The following DPP10 variants were observed in gnomAD, a reference collection of about 807,000 sequenced individuals.
DPP10 encodes inactive dipeptidyl peptidase 10.
A neutral mutation model predicts 120.9 loss-of-function variants in DPP10; 33 were observed. The ratio of observed to expected loss-of-function variants is 0.27; its 90% CI spans 0.21 to 0.37. DPP10 has a LOEUF of 0.37. Ranked by LOEUF, DPP10 falls within the 10% of genes least tolerant of loss-of-function variation. The pLI, the probability that DPP10 is intolerant of heterozygous loss-of-function variation, is 1.00. For synonymous variants in DPP10, 337 were observed against 326.1 expected, an observed-to-expected ratio of 1.03 and a Z score of -0.36; for missense variants, 816 against 942.8, an observed-to-expected ratio of 0.87 and a Z score of 1.76.
intron 3 of DPP10, among the ~76,000 whole-genome samples, chr2:115,374,617 G>T (rs2065651250): frequency 6.6e-6 from 1 of 152,198 alleles, no homozygotes; most frequent in African/African-American, 2.4e-5. Context: ...TTTCCATGAG[G>T]GCTCCGCACA....
chr2:115,226,154 TGTC>T (rs2057424451), intron 1 of DPP10, among the ~76,000 whole-genome samples: 1 of 152,156 alleles, frequency 6.6e-6, no homozygotes. Context: ...CAGATTTTGT[TGTC>T]ATGATGATAT....
intron 1 of DPP10, among the ~76,000 whole-genome samples, chr2:114,678,227 A>C (rs560427699): frequency 9.1e-4 from 139 of 152,190 alleles, no homozygotes; most frequent in African/African-American, 3.2e-3. Flanking sequence ...TGATGATAAA[A>C]CCATGAGTAT....
At chr2:115,616,075 G>T (rs913171183) in intron 5 of DPP10, among the ~76,000 whole-genome samples, 1 of 152,084 alleles carries the variant, frequency 6.6e-6, no homozygotes, top group Non-Finnish European at 1.5e-5. Context: ...TGTTTAAACT[G>T]TGGAAGTTAA....
chr2:114,642,163 A>G (rs1056517259), intron 1 of DPP10, among the ~76,000 whole-genome samples: 6 of 151,936 alleles, frequency 3.9e-5, no homozygotes, highest in African/African-American at 1.5e-4. Flanking sequence ...ATATACTGGC[A>G]TTTAAAAAAC....
At chr2:115,106,622 G>T (rs1347833244) in intron 1 of DPP10, among the ~76,000 whole-genome samples, 1 of 146,208 alleles carries the variant, frequency 6.8e-6, no homozygotes, top group South Asian at 2.2e-4. Flanking sequence ...ACCACACCCA[G>T]CTAATTTTAC....
At chr2:115,755,537 C>T (rs987929804) in intron 11 of DPP10, among the ~76,000 whole-genome samples, 3 of 151,880 alleles carry the variant, frequency 2.0e-5, no homozygotes, top group Non-Finnish European at 2.9e-5. Context: ...AAAACTGAAC[C>T]GTAATTTCCA....
intron 1 of DPP10, among the ~76,000 whole-genome samples, chr2:115,035,552 G>A (rs1477558681): frequency 6.6e-6 from 1 of 152,150 alleles, no homozygotes; most frequent in African/African-American, 2.4e-5. Flanking sequence ...CTTGTAAAGT[G>A]AATGAAGTAA....
intron 4 of DPP10, among the ~76,000 whole-genome samples, chr2:115,520,670 A>C (rs2077755062): frequency 6.6e-6 from 1 of 152,134 alleles, no homozygotes; most frequent in African/African-American, 2.4e-5. Context: ...AACTTGTATT[A>C]ATTGTAACTG....
chr2:114,564,995 T>C (rs1299283940), intron 1 of DPP10, among the ~76,000 whole-genome samples: 4 of 152,224 alleles, frequency 2.6e-5, no homozygotes, highest in Non-Finnish European at 5.9e-5. Context: ...GATGCTCTTA[T>C]TGCCTTCAGG....
chr2:115,167,505 G>A (rs941521742), intron 1 of DPP10, among the ~76,000 whole-genome samples: 2 of 151,912 alleles, frequency 1.3e-5, no homozygotes, highest in Admixed American at 1.3e-4. Context: ...TACTCAGGAG[G>A]CTGCGGTGGG....
Position 114,719,753 on chromosome 2 carries a change from A to C in DPP10, c.60+276915A>C, listed in dbSNP as rs529641954. The stretch of plus-strand genomic sequence containing the variant: ...GAATGGGAAGAAAAATCACAGAGTG[A>C]TTATCCCACCACACAATGGGGTATA... On this transcript the variant is annotated intron_variant, in intron 1 of 25. Transcript: ENST00000410059. Among the ~76,000 whole-genome samples, 3 of 152,344 alleles carry C rather than the reference A, an allele frequency of 2.0e-5. No individual in the cohort carries two copies. In the South Asian group the frequency reaches 6.2e-4, roughly 32 times the overall value.
rs538703645 is a variant in DPP10 at position 114,445,690 on chromosome 2, A to G, written c.60+2852A>G. On this transcript the variant is annotated intron_variant, in intron 1 of 25. Transcript: ENST00000410059. ...CCATGATGTGTCAGAGTTGGAAAAG[A>G]GGAAATTGGGAGAAGTTATAATGGA... Among the ~76,000 whole-genome samples the G allele has an allele frequency of 3.8e-4, 58 of 152,126 alleles. 1 individual carries two copies. Among genetic ancestry groups the G allele is most frequent in the African/African-American group, 1.3e-3 (52 of 41,502 alleles).
chr2:114,456,955 C>A (rs1678616675), intron 1 of DPP10, among the ~76,000 whole-genome samples: 1 of 152,110 alleles, frequency 6.6e-6, no homozygotes, highest in African/African-American at 2.4e-5. Context: ...AATAAGAAAG[C>A]CATGGACAAA....
chr2:115,294,510 T>G (rs999141727), intron 1 of DPP10, among the ~76,000 whole-genome samples: 1 of 152,086 alleles, frequency 6.6e-6, no homozygotes, highest in Non-Finnish European at 1.5e-5. Context: ...TTTCTTTTGT[T>G]TTTTGCTTTT....
intron 4 of DPP10, among the ~76,000 whole-genome samples, chr2:115,505,377 G>A (rs1021339103): frequency 6.6e-6 from 1 of 152,126 alleles, no homozygotes. Context: ...TTGTCTGACA[G>A]AGCCTATTAG....
At chr2:115,258,901 A>C (rs2059127161) in intron 1 of DPP10, among the ~76,000 whole-genome samples, 2 of 152,190 alleles carry the variant, frequency 1.3e-5, no homozygotes, top group Non-Finnish European at 1.5e-5. Flanking sequence ...AAAGTAAATA[A>C]AAAATAAATA....
At chr2:114,657,335 C>T (rs950485699) in intron 1 of DPP10, among the ~76,000 whole-genome samples, 1 of 152,118 alleles carries the variant, frequency 6.6e-6, no homozygotes, top group Non-Finnish European at 1.5e-5. Context: ...AAATAGGAAT[C>T]TTCCCCATTA....
chr2:115,517,589 C>T (rs1262047494), intron 4 of DPP10, among the ~76,000 whole-genome samples: 6 of 152,022 alleles, frequency 3.9e-5, no homozygotes, highest in African/African-American at 1.4e-4. Flanking sequence ...TTATGTCATT[C>T]TCTTGGTTAT....
intron 1 of DPP10, among the ~76,000 whole-genome samples, chr2:114,517,535 A>T (rs937590102): frequency 6.6e-6 from 1 of 152,260 alleles, no homozygotes; most frequent in South Asian, 2.1e-4. Flanking sequence ...AAAAAAAAAA[A>T]AAATTGTCTG....
Sources: gnomAD v4.1 joint callset for allele counts (sites outside exome capture counted in the v4.1 genomes callset) on GRCh38, gnomAD v4.1.1 for gene constraint, MANE v1.5 for transcripts, NCBI Gene and HGNC (gene_info 2026-07-23, HGNC 2026-07-21) for gene names.